The following TMEM131L variants were observed in gnomAD, a reference collection of about 807,000 sequenced individuals.
TMEM131L encodes transmembrane 131 like, also known as transmembrane protein 131-like.
A neutral mutation model predicts 192.2 loss-of-function variants in TMEM131L; 54 were observed. That is an observed-to-expected ratio of 0.28 (90% CI 0.23 to 0.35). The LOEUF is 0.35. Among genes scored for constraint, TMEM131L ranks in the 10% least tolerant of loss-of-function variants. The probability of loss-of-function intolerance (pLI) is 1.00; values close to 1 mark genes in which losing one functional copy is unlikely to be tolerated. For missense variants in TMEM131L, 1,888 were observed against 1,972.9 expected (o/e 0.96, Z 0.82); for synonymous variants, 701 against 704.9 (o/e 0.99, Z 0.09).
At chr4:153,519,942 A>G (rs532844225) in intron 3 of TMEM131L, among the ~76,000 whole-genome samples, 13 of 152,334 alleles carry the variant, frequency 8.5e-5, no homozygotes, top group African/African-American at 3.1e-4. Flanking sequence ...TGCCAGGGTA[A>G]AGCCCAGTAC....
At chr4:153,523,898 C>T (rs1232044722) in intron 3 of TMEM131L, among the ~76,000 whole-genome samples, 1 of 152,166 alleles carries the variant, frequency 6.6e-6, no homozygotes, top group Non-Finnish European at 1.5e-5. Flanking sequence ...TTTACCTAAT[C>T]AGAGGAGGCC....
chr4:153,508,411 A>G (rs1734128908), intron 3 of TMEM131L, among the ~76,000 whole-genome samples: 1 of 152,212 alleles, frequency 6.6e-6, no homozygotes, highest in Non-Finnish European at 1.5e-5. Flanking sequence ...AACGGAAACC[A>G]TGAAGACTGG....
intron 30 of TMEM131L, among the ~76,000 whole-genome samples, chr4:153,626,713 T>C (rs1442928754): frequency 6.6e-6 from 1 of 152,212 alleles, no homozygotes; most frequent in African/African-American, 2.4e-5. Flanking sequence ...TGCAATGAGC[T>C]ATGATCACAC....
At chr4:153,536,583 CTT>C (rs947229490) in intron 3 of TMEM131L, among the ~76,000 whole-genome samples, 3 of 152,280 alleles carry the variant, frequency 2.0e-5, no homozygotes, top group Admixed American at 2.0e-4. Flanking sequence ...TGGCAAAACT[CTT>C]TACAAACACA....
intron 3 of TMEM131L, among the ~76,000 whole-genome samples, chr4:153,516,976 G>T (rs533571188): frequency 6.6e-6 from 1 of 152,014 alleles, no homozygotes; most frequent in Non-Finnish European, 1.5e-5. Context: ...ACAGGTGCGC[G>T]CCACCATGCC....
chr4:153,627,608 C>A lies in TMEM131L; in HGVS notation c.4128C>A (p.Thr1376=). ...NLSHNICNPM[T]VNSLPQYAEP... ...TCCTTTGCCCTCTTCCCCACAGGAC[C>A]GTGAATAGTCTCCCACAATACGCAG... Residue 1376 remains threonine (T), a synonymous_variant, in exon 31 of 35, where the codon ACC becomes ACA. Coordinates refer to ENST00000409959, the MANE Select transcript of TMEM131L (RefSeq NM_001131007.2). 1.2e-6 allele frequency: 2 copies of A among 1,613,676 alleles called. No individual in the cohort carries two copies. Among genetic ancestry groups the A allele is most frequent in the Non-Finnish European group, 1.7e-6 (2 of 1,179,610 alleles).
intron 3 of TMEM131L, among the ~76,000 whole-genome samples, chr4:153,526,948 G>A (rs1735533938): frequency 6.6e-6 from 1 of 152,058 alleles, no homozygotes; most frequent in African/African-American, 2.4e-5. Flanking sequence ...GAGAGGGCCT[G>A]CATTTATTGT....
intron 3 of TMEM131L, among the ~76,000 whole-genome samples, chr4:153,522,181 CG>C (rs1735167248): frequency 6.6e-6 from 1 of 152,024 alleles, no homozygotes; most frequent in South Asian, 2.1e-4. Flanking sequence ...GGAGGAGAAA[CG>C]TGGAGTGGTG....
At chr4:153,544,824 G>T (rs1737051749) in intron 3 of TMEM131L, among the ~76,000 whole-genome samples, 1 of 152,180 alleles carries the variant, frequency 6.6e-6, no homozygotes. Flanking sequence ...AGCCTCCTGG[G>T]TGGTAAGCCT....
intron 26 of TMEM131L, among the ~76,000 whole-genome samples, chr4:153,614,687 A>AAT (rs1732855663): frequency 6.7e-6 from 1 of 149,370 alleles, no homozygotes; most frequent in African/African-American, 2.5e-5. Flanking sequence ...AATGAATGTG[A>AAT]ATATAAGACA....
At chr4:153,611,130 T>G (rs1162277218) in intron 25 of TMEM131L, among the ~76,000 whole-genome samples, 2 of 152,264 alleles carry the variant, frequency 1.3e-5, no homozygotes, top group East Asian at 3.8e-4. Context: ...TGCCATCTGA[T>G]TAATCAGCTG....
At chr4:153,567,726 A>G (rs1356361575) in intron 7 of TMEM131L, among the ~76,000 whole-genome samples, 1 of 152,032 alleles carries the variant, frequency 6.6e-6, no homozygotes, top group Admixed American at 6.6e-5. Flanking sequence ...TGTATTTAGT[A>G]GAGATGGGGT....
intron 3 of TMEM131L, among the ~76,000 whole-genome samples, chr4:153,542,949 G>A (rs1736904770): frequency 6.6e-6 from 1 of 152,232 alleles, no homozygotes; most frequent in South Asian, 2.1e-4. Context: ...GGACAGATTA[G>A]TGTGGATGAC....
intron 18 of TMEM131L, 56 bp downstream of exon 18, chr4:153,592,640 AT>A (rs1731156253): frequency 8.8e-7 from 1 of 1,140,810 alleles, no homozygotes; most frequent in African/African-American, 1.5e-5. Flanking sequence ...AAGACTTAGA[AT>A]TACTTAATGT....
chr4:153,618,551 A>G (rs559490603), intron 26 of TMEM131L, among the ~76,000 whole-genome samples: 60 of 151,906 alleles, frequency 3.9e-4, no homozygotes, highest in Non-Finnish European at 6.9e-4. Flanking sequence ...ACTAAGTCTC[A>G]TTTAAATGGC....
At chr4:153,614,508 T>C (rs1388253752) in intron 26 of TMEM131L, among the ~76,000 whole-genome samples, 1 of 152,116 alleles carries the variant, frequency 6.6e-6, no homozygotes, top group African/African-American at 2.4e-5. Context: ...ATTGAAGGTT[T>C]CTGAGTTGGT....
At chr4:153,485,828 A>G (rs1450785799) in intron 3 of TMEM131L, among the ~76,000 whole-genome samples, 1 of 152,190 alleles carries the variant, frequency 6.6e-6, no homozygotes, top group East Asian at 1.9e-4. Context: ...TGTAAACCTT[A>G]TGGTTTACAA....
chr4:153,549,347 AC>A (rs1455039348), intron 3 of TMEM131L, among the ~76,000 whole-genome samples: 1 of 151,586 alleles, frequency 6.6e-6, no homozygotes, highest in East Asian at 1.9e-4. Flanking sequence ...CTTCAGTTAA[AC>A]CTCTTTAGAT....
Position 153,586,376 on chromosome 4 carries a change from C to G in TMEM131L, c.1479C>G (p.Thr493=). The G allele has an allele frequency of 6.3e-7, 1 of 1,594,404 alleles. No individual in the cohort carries two copies. Among genetic ancestry groups the G allele is most frequent in the Non-Finnish European group, 8.5e-7 (1 of 1,172,780 alleles). Reference sequence around the variant, plus strand: ...CTCTACAGATTTATTCAGCACCAACCAAGGTATTTTCTACAATACTATATG... The same window carrying G: ...CTCTACAGATTTATTCAGCACCAACGAAGGTATTTTCTACAATACTATATG... The part of the protein sequence containing the change: ...AIPLQIYSAP[T]KEGSLGFEVI... The change falls in exon 14 of 35, where the codon ACC becomes ACG. Residue 493 remains threonine, a synonymous_variant. Coordinates refer to ENST00000409959, the MANE Select transcript of TMEM131L (RefSeq NM_001131007.2).
Sources: allele counts gnomAD v4.1 joint callset (sites outside exome capture counted in the v4.1 genomes callset), GRCh38; gene constraint gnomAD v4.1.1; transcripts MANE v1.5; gene names NCBI Gene and HGNC (gene_info 2026-07-23, HGNC 2026-07-21).